The following TANK variants were observed in gnomAD, a reference collection of about 807,000 sequenced individuals.
TANK encodes TRAF family member-associated NF-kappa-B activator.
In TANK, 15 loss-of-function variants were observed where a neutral mutation model predicts 43.6. The observed-to-expected ratio is 0.34, with a 90% confidence interval of 0.23 to 0.53. The LOEUF (loss-of-function observed/expected upper bound fraction) is 0.53. Among genes scored for constraint, TANK ranks in the 20% least tolerant of loss-of-function variants. The pLI is 0.94. For synonymous variants in TANK, 162 were observed against 178.2 expected, an observed-to-expected ratio of 0.91 and a Z score of 0.73; for missense variants, 417 against 498.6, an observed-to-expected ratio of 0.84 and a Z score of 1.56.
intron 2 of TANK, among the ~76,000 whole-genome samples, chr2:161,180,690 T>C (rs894758183): frequency 6.6e-6 from 1 of 152,180 alleles, no homozygotes; most frequent in African/African-American, 2.4e-5. Flanking sequence ...CCAGAAGGAT[T>C]CATGCAACTC....
chr2:161,161,000 T>G, intron 1 of TANK: 1 of 469,772 alleles, frequency 2.1e-6, no homozygotes. Flanking sequence ...CATAGCCTGG[T>G]CAATGAGAAG....
chr2:161,181,706 A>T (rs1175752400), intron 2 of TANK, among the ~76,000 whole-genome samples: 3 of 152,172 alleles, frequency 2.0e-5, no homozygotes, highest in Non-Finnish European at 4.4e-5. Flanking sequence ...ATCCGCCTCC[A>T]TGATCCAGTC....
At chr2:161,194,617 G>A (rs947836942) in intron 2 of TANK, among the ~76,000 whole-genome samples, 3 of 152,090 alleles carry the variant, frequency 2.0e-5, no homozygotes, top group African/African-American at 7.2e-5. Flanking sequence ...TAAATGTTAA[G>A]CGATAAGGAC....
In TANK at chr2:161,231,427, C is replaced by T. The variant is rs745731883; in HGVS notation, c.977C>T (p.Ala326Val). The T allele has an allele frequency of 7.4e-6, 12 of 1,614,180 alleles. No homozygotes were observed. The East Asian group carries it at 2.7e-4, about 36-fold the overall frequency. ...NTCIRTTLDR[A>V]ACLPPGDHNA... ...TGTATCAGGACAACTCTGGATAGAG[C>T]TGCGTGTTTGCCACCTGGAGACCAT... The change falls in exon 7 of 8, where the codon GCT (alanine) becomes GTT (valine). Residue 326 changes from alanine (A) to valine (V), a missense_variant. Physicochemically the swap from Ala to Val is moderately conservative, Grantham distance 64. Coordinates refer to ENST00000392749, the MANE Select transcript of TANK (RefSeq NM_001199135.3).
intron 1 of TANK, among the ~76,000 whole-genome samples, chr2:161,177,648 T>C (rs1436991859): frequency 1.3e-5 from 2 of 151,984 alleles, no homozygotes; most frequent in African/African-American, 4.8e-5. Context: ...ACAGCAATAG[T>C]ACAAACAACA....
intron 2 of TANK, chr2:161,201,069 C>A (rs533942612): frequency 3.2e-5 from 31 of 977,796 alleles, no homozygotes; most frequent in Non-Finnish European, 3.8e-5. Context: ...AATATTATAA[C>A]TGCTAAATAC....
intron 1 of TANK, among the ~76,000 whole-genome samples, chr2:161,140,182 G>A (rs917121826): frequency 2.0e-5 from 3 of 152,006 alleles, no homozygotes; most frequent in Non-Finnish European, 4.4e-5. Context: ...AATTCAATAG[G>A]AGTTATCTGT....
At chr2:161,160,307 T>C, upstream of TANK, 1 of 560,596 alleles carries the variant, frequency 1.8e-6, no homozygotes, top group Non-Finnish European at 2.4e-6. Flanking sequence ...AGAAGAGCCC[T>C]GGGCTGGGTG....
At chr2:161,204,916 G>A in intron 4 of TANK, 123 bp downstream of exon 4, 1 of 1,469,322 alleles carries the variant, frequency 6.8e-7, no homozygotes, top group Non-Finnish European at 9.0e-7. Context: ...ACAAATATGT[G>A]GCTTAAATAT....
chr2:161,206,906 TGAAAGTAATA>T (rs1686677608), intron 4 of TANK, among the ~76,000 whole-genome samples: 1 of 152,132 alleles, frequency 6.6e-6, no homozygotes, highest in Non-Finnish European at 1.5e-5. Flanking sequence ...AGCATTCCTT[TGAAAGTAATA>T]GAATATCTCC....
At chr2:161,156,434 C>T, upstream of TANK, 1 of 894,548 alleles carries the variant, frequency 1.1e-6, no homozygotes, top group Non-Finnish European at 1.3e-6. Context: ...TATTTCATCT[C>T]TTTTTGCATA....
intron 1 of TANK, among the ~76,000 whole-genome samples, chr2:161,144,959 T>C (rs1683861666): frequency 6.6e-6 from 1 of 152,088 alleles, no homozygotes; most frequent in Non-Finnish European, 1.5e-5. Context: ...TCTAAGAACT[T>C]GCTTTATGAA....
chr2:161,157,829 G>A (rs560407714), upstream of TANK, among the ~76,000 whole-genome samples: 2 of 152,210 alleles, frequency 1.3e-5, no homozygotes, highest in Admixed American at 1.3e-4. Flanking sequence ...GATTACAGGT[G>A]TGCACCACCA....
chr2:161,153,390 A>G (rs561851250), intron 1 of TANK, among the ~76,000 whole-genome samples: 1 of 152,040 alleles, frequency 6.6e-6, no homozygotes, highest in African/African-American at 2.4e-5. Context: ...CTTTTTATTT[A>G]AATTAAAAAT....
chr2:161,150,211 G>A (rs1036710783), intron 1 of TANK, among the ~76,000 whole-genome samples: 9 of 152,086 alleles, frequency 5.9e-5, no homozygotes, highest in African/African-American at 1.9e-4. Flanking sequence ...AGTAGTCTAT[G>A]TGTTTTTAGG....
chr2:161,160,418 G>A, upstream of TANK: 2 of 1,240,694 alleles, frequency 1.6e-6, no homozygotes, highest in South Asian at 3.7e-5. Context: ...TGCAACTTCC[G>A]GTTGGAGTCA....
intron 4 of TANK, among the ~76,000 whole-genome samples, chr2:161,215,177 G>A (rs1471176450): frequency 6.6e-6 from 1 of 152,136 alleles, no homozygotes; most frequent in African/African-American, 2.4e-5. Context: ...GACCTTTAAG[G>A]ATCCTGGACC....
At chr2:161,149,379 T>G (rs986407952) in intron 1 of TANK, among the ~76,000 whole-genome samples, 2 of 152,194 alleles carry the variant, frequency 1.3e-5, no homozygotes, top group Non-Finnish European at 2.9e-5. Flanking sequence ...TCTAGTAGCT[T>G]TCTTGTGAAT....
intron 1 of TANK, among the ~76,000 whole-genome samples, chr2:161,152,886 AT>A (rs1165814440): frequency 6.6e-6 from 1 of 152,098 alleles, no homozygotes; most frequent in African/African-American, 2.4e-5. Flanking sequence ...CTCAGTGTGG[AT>A]TTTTTTGAGT....
Sources: gnomAD v4.1 joint callset for allele counts (sites outside exome capture counted in the v4.1 genomes callset) on GRCh38, gnomAD v4.1.1 for gene constraint, MANE v1.5 for transcripts, NCBI Gene and HGNC (gene_info 2026-07-23, HGNC 2026-07-21) for gene names.